LRRC1: variants seen among roughly 807,000 people sequenced by gnomAD.
LRRC1 encodes leucine rich repeat containing 1.
LRRC1 carries 28 observed loss-of-function variants against 69.9 expected under a neutral mutation model. The ratio of observed to expected loss-of-function variants is 0.40; its 90% CI spans 0.30 to 0.55. LRRC1 has a LOEUF of 0.55. Ranked by LOEUF, LRRC1 falls within the 20% of genes least tolerant of loss-of-function variation. LRRC1 has a pLI of 0.47. For synonymous variants in LRRC1, 236 were observed against 240.2 expected (o/e 0.98, Z 0.16); for missense variants, 498 against 609.0 (o/e 0.82, Z 1.92).
At chr6:53,921,141 T>A (rs1053697609) in intron 13 of LRRC1, among the ~76,000 whole-genome samples, 2 of 152,126 alleles carry the variant, frequency 1.3e-5, no homozygotes, top group African/African-American at 4.8e-5. Context: ...CTAATTTTTG[T>A]ATTTTTTGTA....
At chr6:53,888,681 A>G (rs796411887) in intron 4 of LRRC1, among the ~76,000 whole-genome samples, 27 of 152,302 alleles carry the variant, frequency 1.8e-4, no homozygotes, top group African/African-American at 6.3e-4. Context: ...ATGAAGTTAT[A>G]CTCCTACCTC....
chr6:53,915,583 C>T (rs1339241983), intron 11 of LRRC1, among the ~76,000 whole-genome samples: 1 of 152,168 alleles, frequency 6.6e-6, no homozygotes, highest in Non-Finnish European at 1.5e-5. Context: ...CATGAATTTG[C>T]CTCAATTCTT....
At position 53,900,640 on chromosome 6, in the gene LRRC1, G is replaced by A. The variant is rs151262679; in HGVS notation, c.787+749G>A. 1.2e-3 allele frequency among the ~76,000 whole-genome samples: 181 copies of A among 152,242 alleles called. 3 individuals are homozygous for A. Among genetic ancestry groups the A allele is most frequent in the African/African-American group, 4.0e-3 (165 of 41,538 alleles). The stretch of plus-strand genomic sequence containing the variant: ...CTAAGGGAGGTGCTGAAAGAGTGGC[G>A]TAATTGAATTGAGCCTTTTTTAGTA... On this transcript the variant is annotated intron_variant, in intron 8 of 13. Transcript: ENST00000370888.
chr6:53,845,054 AT>A (rs1280596229), intron 2 of LRRC1, among the ~76,000 whole-genome samples: 1 of 152,174 alleles, frequency 6.6e-6, no homozygotes, highest in African/African-American at 2.4e-5. Context: ...AAATACAAAA[AT>A]TAACCAGGCT....
At chr6:53,892,525 C>T (rs146483412) in intron 4 of LRRC1, among the ~76,000 whole-genome samples, 290 of 152,206 alleles carry the variant, frequency 1.9e-3, no homozygotes, top group Non-Finnish European at 3.5e-3. Flanking sequence ...ATCCCACTCC[C>T]GAAGCTGCTC....
intron 10 of LRRC1, among the ~76,000 whole-genome samples, chr6:53,909,055 G>C (rs1447734577): frequency 6.6e-6 from 1 of 152,116 alleles, no homozygotes; most frequent in African/African-American, 2.4e-5. Context: ...GCAATTCCAC[G>C]TCTAGGAAAA....
At chr6:53,883,454 G>A (rs1447410687) in intron 4 of LRRC1, among the ~76,000 whole-genome samples, 1 of 152,174 alleles carries the variant, frequency 6.6e-6, no homozygotes, top group Non-Finnish European at 1.5e-5. Context: ...TGGTGTATTT[G>A]GAGAGTGGGA....
chr6:53,855,498 GTC>G (rs1766281259), intron 2 of LRRC1, among the ~76,000 whole-genome samples: 1 of 152,196 alleles, frequency 6.6e-6, no homozygotes, highest in Non-Finnish European at 1.5e-5. Context: ...GAGGACTGAA[GTC>G]TCTCTGCAGA....
At chr6:53,837,357 T>C (rs1765641636) in intron 1 of LRRC1, among the ~76,000 whole-genome samples, 1 of 152,152 alleles carries the variant, frequency 6.6e-6, no homozygotes, top group African/African-American at 2.4e-5. Context: ...AGATTAGAAC[T>C]GTTGGTTTAC....
rs539340435 is a variant in LRRC1 at position 53,913,977 on chromosome 6, T to G, written c.1106+8T>G. The G allele has an allele frequency of 2.0e-5, 32 of 1,592,100 alleles. No individual in the cohort carries two copies. The highest frequency in any genetic ancestry group is 2.5e-5 in the Non-Finnish European group (29 of 1,162,338). ...GGATGTGGCAGGGAACAGGTAAGCCTGTTGTAGTTTGCTTTGCTTGAGGGA... is the reference window on the plus strand; with the variant it reads ...GGATGTGGCAGGGAACAGGTAAGCCGGTTGTAGTTTGCTTTGCTTGAGGGA... On this transcript the variant is annotated splice_region_variant and intron_variant, in intron 11 of 13. Coordinates refer to ENST00000370888, the MANE Select transcript of LRRC1 (RefSeq NM_018214.5).
intron 2 of LRRC1, among the ~76,000 whole-genome samples, chr6:53,870,008 G>T (rs575334892): frequency 6.6e-6 from 1 of 152,328 alleles, no homozygotes; most frequent in Admixed American, 6.5e-5. Context: ...TGGATGTGAT[G>T]GAAAGAAGTG....
At chr6:53,921,358 G>GAATTTTTTT in intron 13 of LRRC1, among the ~76,000 whole-genome samples, 1 of 152,068 alleles carries the variant, frequency 6.6e-6, no homozygotes, top group African/African-American at 2.4e-5. Flanking sequence ...TCTTAACATG[G>GAATTTTTTT]AGAAACTTTT....
At chr6:53,803,518 G>A (rs1350847689) in intron 1 of LRRC1, among the ~76,000 whole-genome samples, 1 of 152,110 alleles carries the variant, frequency 6.6e-6, no homozygotes, top group East Asian at 1.9e-4. Context: ...ATGATTTAGT[G>A]GACAGGAATG....
At chr6:53,808,831 G>T (rs1764709191) in intron 1 of LRRC1, among the ~76,000 whole-genome samples, 1 of 152,184 alleles carries the variant, frequency 6.6e-6, no homozygotes, top group Non-Finnish European at 1.5e-5. Flanking sequence ...AAGCCTGAGT[G>T]ACAGAGTGAG....
chr6:53,856,848 G>C (rs1040036574), intron 2 of LRRC1, among the ~76,000 whole-genome samples: 1 of 152,150 alleles, frequency 6.6e-6, no homozygotes, highest in Non-Finnish European at 1.5e-5. Context: ...TCTATGTCAG[G>C]GGTGGAGGGC....
chr6:53,888,622 A>G (rs973555995), intron 4 of LRRC1, among the ~76,000 whole-genome samples: 1 of 152,240 alleles, frequency 6.6e-6, no homozygotes, highest in Non-Finnish European at 1.5e-5. Context: ...TGGAGAAAGA[A>G]TAGTCTTTTT....
rs1277233751 is a variant in LRRC1 at position 53,923,228 on chromosome 6, G to A, written c.*435G>A. On this transcript the variant is annotated 3_prime_UTR_variant, in exon 14 of 14. Coordinates refer to ENST00000370888, the MANE Select transcript of LRRC1 (RefSeq NM_018214.5). ...ATGGATACTTTTTAAACCTTTTTTG[G>A]CAGCTCAGATGGTGTAAATTTTAAA... 6.5e-6 allele frequency: 1 copy of A among 154,424 alleles called. No homozygotes were observed. The highest frequency in any genetic ancestry group is 1.4e-5 in the Non-Finnish European group (1 of 69,478). 9.6% of individuals were successfully genotyped at this position (154,424 alleles called of 1,614,324 possible).
intron 2 of LRRC1, among the ~76,000 whole-genome samples, chr6:53,872,485 G>C (rs1766920150): frequency 6.6e-6 from 1 of 152,074 alleles, no homozygotes; most frequent in African/African-American, 2.4e-5. Flanking sequence ...CTATTGCTTT[G>C]TAGTATGGTA....
rs543106700 is a variant in LRRC1 at position 53,795,233 on chromosome 6, G to A, written c.-24G>A. On this transcript the variant is annotated 5_prime_UTR_variant, in exon 1 of 14. Coordinates refer to ENST00000370888, the MANE Select transcript of LRRC1 (RefSeq NM_018214.5). ...CCCGGGTCTCCGCCGCTCGGGACCC[G>A]GCTAGGCGGCGGCGGGGGCGGCGAT... 3.2e-6 allele frequency: 5 copies of A among 1,585,068 alleles called. No homozygotes were observed. Among genetic ancestry groups the A allele is most frequent in the South Asian group, 1.1e-5 (1 of 88,340 alleles).
Sources: gnomAD v4.1 joint callset for allele counts (sites outside exome capture counted in the v4.1 genomes callset) on GRCh38, gnomAD v4.1.1 for gene constraint, MANE v1.5 for transcripts, NCBI Gene and HGNC (gene_info 2026-07-23, HGNC 2026-07-21) for gene names.